The following FOCAD variants were observed in gnomAD, a reference collection of about 807,000 sequenced individuals.
FOCAD encodes KIAA1797.
Under a neutral mutation model 225.6 loss-of-function variants are expected in FOCAD, and 198 were observed. The ratio of observed to expected loss-of-function variants is 0.88; its 90% CI spans 0.78 to 0.99. FOCAD has a LOEUF of 0.99. Among genes scored for constraint, FOCAD ranks in the 50% least tolerant of loss-of-function variants. FOCAD has a pLI of 0.00. For missense variants in FOCAD, 2,713 were observed against 2,123.6 expected (o/e 1.28, Z -5.46); for synonymous variants, 897 against 755.0 (o/e 1.19, Z -3.08).
intron 15 of FOCAD, among the ~76,000 whole-genome samples, chr9:20,857,354 G>C (rs1828289389): frequency 6.6e-6 from 1 of 151,652 alleles, no homozygotes; most frequent in Non-Finnish European, 1.5e-5. Context: ...TTTATGTGTA[G>C]ATATTGTAAA....
chr9:20,990,202 T>C lies in FOCAD; in HGVS notation c.5084T>C (p.Leu1695Pro), dbSNP rs1351501064. 2 of 1,614,202 alleles carry C rather than the reference T, an allele frequency of 1.2e-6. No individual in the cohort carries two copies. The highest frequency in any genetic ancestry group is 4.5e-5 in the East Asian group (2 of 44,862). ...ADHTAPLLLGLSASWLPWHQE... is the reference protein window; with the variant it reads ...ADHTAPLLLGPSASWLPWHQE... ...CACACTGCCCCTCTCCTCCTCGGCC[T>C]CAGTGCCAGTTGGTTGCCATGGCAT... is the stretch of plus-strand genomic sequence containing the variant. Residue 1695 changes from leucine to proline, a missense_variant, in exon 42 of 44, where the codon CTC becomes CCC. Physicochemically the swap from Leu to Pro is moderately conservative, Grantham distance 98. Transcript: ENST00000338382.
chr9:20,849,276 T>C (rs926822183), intron 15 of FOCAD, among the ~76,000 whole-genome samples: 12 of 151,908 alleles, frequency 7.9e-5, no homozygotes, highest in African/African-American at 2.9e-4. Context: ...TTGTTTCCTC[T>C]TGTTTTTAAA....
intron 28 of FOCAD, among the ~76,000 whole-genome samples, chr9:20,941,005 A>C (rs1187599906): frequency 3.3e-5 from 5 of 152,052 alleles, no homozygotes; most frequent in African/African-American, 1.2e-4. Context: ...AACTAGACCC[A>C]GACCTGAAAG....
intron 24 of FOCAD, among the ~76,000 whole-genome samples, chr9:20,921,465 T>C (rs976836208): frequency 1.3e-5 from 2 of 152,212 alleles, no homozygotes; most frequent in Non-Finnish European, 2.9e-5. Context: ...GAACCAGTTA[T>C]AGATTCCCAC....
chr9:20,810,927 A>C lies in FOCAD; in HGVS notation c.1456-8869A>C, dbSNP rs10964715. 4.0e-4 allele frequency among the ~76,000 whole-genome samples: 61 copies of C among 152,140 alleles called. No individual in the cohort carries two copies. In the East Asian group the frequency reaches 7.1e-3, roughly 18 times the overall value. ...TGACCTTATTTTCTACATACTAGGA[A>C]ATTTATACCTCAGATTCTGATGATG... is the stretch of plus-strand genomic sequence containing the variant. On this transcript the variant is annotated intron_variant, in intron 11 of 43. Coordinates refer to ENST00000338382, the MANE Select transcript of FOCAD (RefSeq NM_001375567.1).
chr9:20,910,232 A>G (rs1801319072), intron 22 of FOCAD, among the ~76,000 whole-genome samples: 1 of 152,070 alleles, frequency 6.6e-6, no homozygotes, highest in South Asian at 2.1e-4. Context: ...TTTGGTTAGG[A>G]GCCGTCTGCA....
At chr9:20,712,518 GCCC>G (rs1348921136) in intron 1 of FOCAD, among the ~76,000 whole-genome samples, 2 of 126,406 alleles carry the variant, frequency 1.6e-5, no homozygotes, top group African/African-American at 2.9e-5. Flanking sequence ...AATTAGCTGA[GCCC>G]AGTGGTGGTG....
At chr9:20,761,545 T>C (rs1461951261) in intron 6 of FOCAD, among the ~76,000 whole-genome samples, 2 of 152,048 alleles carry the variant, frequency 1.3e-5, no homozygotes, top group Non-Finnish European at 2.9e-5. Flanking sequence ...CTCAGCCTCC[T>C]GGGTAGCTGG....
At chr9:20,658,064 G>GC (rs1821562735), upstream of FOCAD, among the ~76,000 whole-genome samples, 3 of 133,098 alleles carry the variant, frequency 2.3e-5, no homozygotes, top group South Asian at 7.7e-4. Flanking sequence ...GCCCCTGCTG[G>GC]GGGGTGCCTC....
Position 20,986,283 on chromosome 9 carries a change from T to TTTTTTTTTTTTTTTTTTTTTTTTTTTTG in FOCAD, c.4729-5_4729-4insTTTTTTTTTTTTTTTTTTTTTTTTTTTG. The TTTTTTTTTTTTTTTTTTTTTTTTTTTTG allele has an allele frequency of 4.1e-6, 6 of 1,476,876 alleles. No individual in the cohort carries two copies. Among genetic ancestry groups the TTTTTTTTTTTTTTTTTTTTTTTTTTTTG allele is most frequent in the African/African-American group, 1.4e-5 (1 of 69,038 alleles). The allele number at this position is 1,476,876 out of a possible 1,614,324, so 91.5% of individuals were successfully genotyped here. A position where few individuals can be genotyped will look rare whatever the true frequency, so the allele number is the denominator to read the frequency against. The stretch of plus-strand genomic sequence containing the variant: ...ACTAAACAATTTTTTTTTTTTTTTT[T>TTTTTTTTTTTTTTTTTTTTTTTTTTTTG]GCAGAGCAACATAGAAAAAGCTGCC... On this transcript the variant is annotated splice_polypyrimidine_tract_variant and splice_region_variant and intron_variant, in intron 39 of 43. Coordinates refer to ENST00000338382, the MANE Select transcript of FOCAD (RefSeq NM_001375567.1).
chr9:20,772,179 T>G (rs1818307384), intron 8 of FOCAD, among the ~76,000 whole-genome samples: 1 of 152,144 alleles, frequency 6.6e-6, no homozygotes, highest in Non-Finnish European at 1.5e-5. Flanking sequence ...GCTTTCTATT[T>G]TGGGCTACTG....
chr9:20,866,901 T>TTTTTTTTTTTTTTTTTTTTC, intron 17 of FOCAD, 28 bp from the exon 18 acceptor site: 1 of 763,718 alleles, frequency 1.3e-6, no homozygotes, highest in Non-Finnish European at 1.9e-6. Context: ...TTTTTTTTTT[T>TTTTTTTTTTTTTTTTTTTTC]TTTTTTTTTT....
chr9:20,954,146 T>C (rs1052175129), intron 35 of FOCAD, among the ~76,000 whole-genome samples: 4 of 152,192 alleles, frequency 2.6e-5, no homozygotes, highest in African/African-American at 9.7e-5. Context: ...TCAGTAAAAA[T>C]TGACATATGG....
chr9:20,889,547 C>T (rs1831426773), intron 21 of FOCAD, among the ~76,000 whole-genome samples: 1 of 152,068 alleles, frequency 6.6e-6, no homozygotes, highest in African/African-American at 2.4e-5. Context: ...ATCACTTGCC[C>T]ATATATGTTT....
At chr9:20,841,549 G>T (rs1348046786) in intron 15 of FOCAD, among the ~76,000 whole-genome samples, 4 of 151,698 alleles carry the variant, frequency 2.6e-5, no homozygotes, top group Non-Finnish European at 5.9e-5. Flanking sequence ...TTGTCATATA[G>T]TTGCTCATTG....
At chr9:20,884,573 A>G (rs1433136776) in intron 20 of FOCAD, among the ~76,000 whole-genome samples, 1 of 152,108 alleles carries the variant, frequency 6.6e-6, no homozygotes, top group Non-Finnish European at 1.5e-5. Context: ...CTGGGATTAC[A>G]GGTGTGAGCC....
chr9:20,742,366 G>A (rs995038920), intron 5 of FOCAD, among the ~76,000 whole-genome samples: 1 of 152,208 alleles, frequency 6.6e-6, no homozygotes, highest in Non-Finnish European at 1.5e-5. Context: ...TGGGGACCTT[G>A]TTGAAGTGCA....
intron 28 of FOCAD, among the ~76,000 whole-genome samples, chr9:20,937,114 G>A (rs1365765799): frequency 1.3e-5 from 2 of 150,570 alleles, no homozygotes; most frequent in African/African-American, 4.9e-5. Context: ...CCATGCTCAT[G>A]GGTAGGAAGA....
At chr9:20,835,282 G>T (rs1330870067) in intron 15 of FOCAD, among the ~76,000 whole-genome samples, 1 of 151,992 alleles carries the variant, frequency 6.6e-6, no homozygotes, top group Non-Finnish European at 1.5e-5. Context: ...TGTAATGTAG[G>T]TGATATTTAC....
Sources: allele counts gnomAD v4.1 joint callset (sites outside exome capture counted in the v4.1 genomes callset), GRCh38; gene constraint gnomAD v4.1.1; transcripts MANE v1.5; gene names NCBI Gene and HGNC (gene_info 2026-07-23, HGNC 2026-07-21).